FHIP1A: variants seen among roughly 807,000 people sequenced by gnomAD.
The protein encoded by FHIP1A is FHF complex subunit HOOK-interacting protein 1A.
A neutral mutation model predicts 88.6 loss-of-function variants in FHIP1A; 61 were observed. That is an observed-to-expected ratio of 0.69 (90% CI 0.56 to 0.85). FHIP1A has a LOEUF of 0.85. Ranked by LOEUF, FHIP1A falls within the 40% of genes least tolerant of loss-of-function variation. The pLI is 0.00. For synonymous variants in FHIP1A, 478 were observed against 496.0 expected (o/e 0.96, Z 0.48); for missense variants, 1,154 against 1,273.5 (o/e 0.91, Z 1.43).
intron 1 of FHIP1A, among the ~76,000 whole-genome samples, chr4:151,414,945 G>T (rs1019847757): frequency 4.6e-5 from 7 of 151,978 alleles, no homozygotes; most frequent in Non-Finnish European, 1.0e-4. Flanking sequence ...TTATATTCTG[G>T]ATAAACTGCT....
intron 3 of FHIP1A, among the ~76,000 whole-genome samples, chr4:151,515,558 T>C (rs1731200530): frequency 6.6e-6 from 1 of 152,220 alleles, no homozygotes; most frequent in African/African-American, 2.4e-5. Flanking sequence ...GAAAACCCCA[T>C]TGTTTCAGCC....
At chr4:151,538,794 C>G (rs1732164276) in intron 3 of FHIP1A, among the ~76,000 whole-genome samples, 1 of 152,084 alleles carries the variant, frequency 6.6e-6, no homozygotes, top group South Asian at 2.1e-4. Flanking sequence ...GTGATGAGTT[C>G]TATGACAAAC....
At chr4:151,644,487 G>A (rs1218458870) in intron 9 of FHIP1A, among the ~76,000 whole-genome samples, 1 of 151,984 alleles carries the variant, frequency 6.6e-6, no homozygotes, top group Non-Finnish European at 1.5e-5. Flanking sequence ...GACTAGCTGG[G>A]ACTACAAGTA....
intron 3 of FHIP1A, among the ~76,000 whole-genome samples, chr4:151,565,717 C>T (rs951795254): frequency 7.2e-5 from 11 of 151,922 alleles, no homozygotes; most frequent in African/African-American, 2.7e-4. Context: ...TCTGCAAACA[C>T]TGGTATCATA....
intron 7 of FHIP1A, among the ~76,000 whole-genome samples, chr4:151,606,467 T>C (rs970593830): frequency 1.1e-4 from 16 of 152,234 alleles, no homozygotes; most frequent in African/African-American, 3.6e-4. Context: ...GATTTTGTTT[T>C]TTAAATTTGG....
intron 3 of FHIP1A, among the ~76,000 whole-genome samples, chr4:151,511,646 C>T (rs964243219): frequency 3.3e-5 from 5 of 152,222 alleles, no homozygotes; most frequent in Admixed American, 1.3e-4. Flanking sequence ...CCGCACATGG[C>T]TCGGAGAGTC....
chr4:151,566,383 T>C lies in FHIP1A; in HGVS notation c.105+19T>C, dbSNP rs1733389197. 2 of 1,471,756 alleles carry C rather than the reference T, an allele frequency of 1.4e-6. No homozygotes were observed. Among genetic ancestry groups the C allele is most frequent in the Admixed American group, 2.0e-5 (1 of 50,588 alleles). 91.2% of individuals were successfully genotyped at this position (1,471,756 alleles called of 1,614,324 possible). A position where few individuals can be genotyped will look rare whatever the true frequency, so the allele number is the denominator to read the frequency against. On this transcript the variant is annotated intron_variant, in intron 4 of 13. Coordinates refer to ENST00000435205, the MANE Select transcript of FHIP1A (RefSeq NM_001109977.3). ...GGCACAGGTAATGTATGAATTCCAC[T>C]TTTTTTGCTGGTCTCAGTAACCCCA...
intron 3 of FHIP1A, among the ~76,000 whole-genome samples, chr4:151,531,478 C>T (rs1036894976): frequency 6.7e-6 from 1 of 148,978 alleles, no homozygotes; most frequent in African/African-American, 2.5e-5. Flanking sequence ...TTTGTAGAAT[C>T]CCTGTACCGC....
chr4:151,638,315 T>TTG (rs146664249), intron 8 of FHIP1A, among the ~76,000 whole-genome samples: 9,125 of 143,676 alleles, frequency 0.064, 672 homozygotes, highest in African/African-American at 0.18. Context: ...AAATAGGAGA[T>TTG]TGTGTGTGTG....
chr4:151,414,381 G>T (rs2126506951), intron 1 of FHIP1A, among the ~76,000 whole-genome samples: 1 of 152,250 alleles, frequency 6.6e-6, no homozygotes, highest in Admixed American at 6.5e-5. Context: ...TCTTTGAACA[G>T]GTTACTGGAC....
intron 1 of FHIP1A, among the ~76,000 whole-genome samples, chr4:151,427,908 T>C (rs1476737476): frequency 6.6e-6 from 1 of 152,186 alleles, no homozygotes; most frequent in Non-Finnish European, 1.5e-5. Context: ...AAATGGTTTA[T>C]TATGAAACTC....
At chr4:151,490,957 T>C (rs1176840863) in intron 3 of FHIP1A, among the ~76,000 whole-genome samples, 1 of 151,612 alleles carries the variant, frequency 6.6e-6, no homozygotes, top group East Asian at 1.9e-4. Context: ...AAAAAAAGAA[T>C]TAAAAAAATG....
intron 2 of FHIP1A, among the ~76,000 whole-genome samples, chr4:151,468,021 A>T (rs1729384376): frequency 6.6e-6 from 1 of 150,444 alleles, no homozygotes; most frequent in South Asian, 2.1e-4. Flanking sequence ...ATGTTGGCTC[A>T]TGCCTGTAAT....
chr4:151,632,321 G>A (rs2126881372), intron 8 of FHIP1A, among the ~76,000 whole-genome samples: 1 of 151,876 alleles, frequency 6.6e-6, no homozygotes, highest in East Asian at 1.9e-4. Context: ...TAACATCAGA[G>A]TCCCCAAATA....
At chr4:151,644,128 A>C (rs1278220587) in intron 9 of FHIP1A, among the ~76,000 whole-genome samples, 2 of 152,224 alleles carry the variant, frequency 1.3e-5, no homozygotes, top group Non-Finnish European at 2.9e-5. Context: ...TAAATAATTA[A>C]TGACCAAAAT....
intron 5 of FHIP1A, among the ~76,000 whole-genome samples, chr4:151,585,707 A>G (rs1214577347): frequency 6.6e-6 from 1 of 152,216 alleles, no homozygotes; most frequent in African/African-American, 2.4e-5. Flanking sequence ...TATTAAAGGC[A>G]TCACCATTTT....
At chr4:151,473,960 T>C (rs1307842904) in intron 2 of FHIP1A, among the ~76,000 whole-genome samples, 3 of 152,214 alleles carry the variant, frequency 2.0e-5, no homozygotes, top group African/African-American at 7.2e-5. Flanking sequence ...AACTGAAAGG[T>C]AAGTGAAGGC....
intron 3 of FHIP1A, among the ~76,000 whole-genome samples, chr4:151,520,917 A>C (rs776204791): frequency 1.3e-5 from 2 of 152,222 alleles, no homozygotes; most frequent in Non-Finnish European, 2.9e-5. Context: ...TATTGTAAAC[A>C]TGTATTTGCA....
intron 3 of FHIP1A, among the ~76,000 whole-genome samples, chr4:151,512,647 T>G (rs1303174116): frequency 6.6e-6 from 1 of 151,888 alleles, no homozygotes; most frequent in East Asian, 1.9e-4. Context: ...GAGAACTACG[T>G]GAAGAATGCA....
Sources: gnomAD v4.1 joint callset for allele counts (sites outside exome capture counted in the v4.1 genomes callset) on GRCh38, gnomAD v4.1.1 for gene constraint, MANE v1.5 for transcripts, NCBI Gene and HGNC (gene_info 2026-07-23, HGNC 2026-07-21) for gene names.